Variants in NDRG4 observed in about 807,000 individuals in gnomAD.
The protein encoded by NDRG4 is protein NDRG4.
In NDRG4, 38 loss-of-function variants were observed where a neutral mutation model predicts 55.8. The ratio of observed to expected loss-of-function variants is 0.68; its 90% CI spans 0.53 to 0.89. The LOEUF (loss-of-function observed/expected upper bound fraction) is 0.89. NDRG4 is among the 40% of genes least tolerant of loss of function. NDRG4 has a pLI of 0.00. For missense variants in NDRG4, 455 were observed against 468.6 expected, an observed-to-expected ratio of 0.97 and a Z score of 0.27; for synonymous variants, 190 against 182.7, an observed-to-expected ratio of 1.04 and a Z score of -0.32.
rs1383566430 is a variant in NDRG4 at position 58,508,985 on chromosome 16, C to T, written c.753C>T (p.Asp251=). ...AGGTGGAGTGCAACTCCAAACTGGA[C>T]CCGACCACTACGACCTTCCTGAAGG... ...DGVVECNSKL[D]PTTTTFLKMA... The change falls in exon 11 of 15, where the codon GAC becomes GAT. Residue 251 remains aspartate (D), a synonymous_variant. Coordinates refer to ENST00000570248, the MANE Select transcript of NDRG4 (RefSeq NM_001242835.2). 1 of 1,614,072 alleles carries T rather than the reference C, an allele frequency of 6.2e-7. No individual in the cohort carries two copies.
chr16:58,504,033 C>T (rs974679710), intron 2 of NDRG4, 121 bp from the exon 3 acceptor site: 8 of 1,570,564 alleles, frequency 5.1e-6, no homozygotes, highest in Admixed American at 1.7e-5. Context: ...GCCCTCCGGG[C>T]CTCCATTTCC....
In NDRG4 at chr16:58,506,401, C is replaced by T. The variant is rs528218036; in HGVS notation, c.387C>T (p.Asp129=). 1.9e-6 allele frequency: 3 copies of T among 1,613,808 alleles called. No homozygotes were observed. Among genetic ancestry groups the T allele is most frequent in the African/African-American group, 2.7e-5 (2 of 74,874 alleles). ...VLAKFALIFP[D]LVEGLVLVNI... ...TCTTACTGCAGCTCATCTTCCCCGA[C>T]CTGGTGGAGGGGCTGGTGCTGGTGA... Residue 129 remains aspartate, a synonymous_variant, in exon 6 of 15, where the codon GAC becomes GAT. Coordinates refer to ENST00000570248, the MANE Select transcript of NDRG4 (RefSeq NM_001242835.2).
At chr16:58,468,553 T>G (rs1206631720) in intron 1 of NDRG4, among the ~76,000 whole-genome samples, 4 of 151,658 alleles carry the variant, frequency 2.6e-5, no homozygotes, top group Admixed American at 1.3e-4. Flanking sequence ...AAACCCCGTC[T>G]CTACCAAAAA....
rs926486758 is a variant in NDRG4 at position 58,505,242 on chromosome 16, G to A, written c.372+593G>A. On this transcript the variant is annotated intron_variant, in intron 5 of 14. Transcript: ENST00000570248. ...CGGGCGCCTGTAGTCCCAGCTACTCGGGAGGCTGAGGCAGGAGAAAGGCGT... is the reference window on the plus strand; with the variant it reads ...CGGGCGCCTGTAGTCCCAGCTACTCAGGAGGCTGAGGCAGGAGAAAGGCGT... Among the ~76,000 whole-genome samples the A allele has an allele frequency of 4.9e-4, 75 of 151,728 alleles. No individual in the cohort carries two copies. The East Asian group carries it at 9.1e-3, about 18-fold the overall frequency.
rs960386371 is a variant in NDRG4 at position 58,479,810 on chromosome 16, T to C, written c.-23-7946T>C. ...GAGGAGCAATGGTCTGAGCAGGTCA[T>C]GTTGCTCATTGTTTCACGTGCATTT... On this transcript the variant is annotated intron_variant, in intron 1 of 15. Transcript: ENST00000258187. Among the ~76,000 whole-genome samples the C allele has an allele frequency of 1.2e-4, 19 of 152,358 alleles. No homozygotes were observed. The South Asian group carries it at 3.9e-3, about 32-fold the overall frequency.
chr16:58,466,068 G>A (rs770134253), intron 1 of NDRG4, among the ~76,000 whole-genome samples: 1 of 152,214 alleles, frequency 6.6e-6, no homozygotes. Flanking sequence ...CCAGGCTGGA[G>A]TGCAGTGGCA....
In NDRG4 at chr16:58,512,477, C is replaced by A; in HGVS notation, c.*901C>A. The A allele has an allele frequency of 4.0e-6, 1 of 247,922 alleles. No homozygotes were observed. The highest frequency in any genetic ancestry group is 8.0e-6 in the Non-Finnish European group (1 of 125,034). The allele number at this position is 247,922 out of a possible 1,614,324, so 15.4% of individuals were successfully genotyped here. On this transcript the variant is annotated 3_prime_UTR_variant, in exon 15 of 15. Coordinates refer to ENST00000570248, the MANE Select transcript of NDRG4 (RefSeq NM_001242835.2). ...GAGACCCCTTTTTTGCCCCCAGGTT[C>A]CCCAGAGGGCAACGCCATCAGTAGC...
intron 1 of NDRG4, among the ~76,000 whole-genome samples, chr16:58,483,006 G>A (rs1333518635): frequency 5.3e-5 from 8 of 152,016 alleles, no homozygotes; most frequent in East Asian, 1.9e-4. Context: ...GGCTGGTCTC[G>A]AACTCCTGGC....
At chr16:58,497,222 T>C (rs1173416042), upstream of NDRG4, among the ~76,000 whole-genome samples, 2 of 151,924 alleles carry the variant, frequency 1.3e-5, no homozygotes, top group Non-Finnish European at 2.9e-5. Context: ...CTTGGGAGGC[T>C]GAGGCAGGAG....
chr16:58,501,069 G>A, intron 1 of NDRG4: 1 of 1,236,084 alleles, frequency 8.1e-7, no homozygotes, highest in Non-Finnish European at 1.0e-6. Flanking sequence ...CCTCTCGCCG[G>A]GGCATCAGGT....
intron 1 of NDRG4, among the ~76,000 whole-genome samples, chr16:58,474,653 C>T (rs1436412311): frequency 6.6e-6 from 1 of 152,138 alleles, no homozygotes; most frequent in East Asian, 1.9e-4. Flanking sequence ...AGAAAGCTCC[C>T]GAAGGTAGAT....
chr16:58,485,147 T>C (rs1401264096), intron 1 of NDRG4, among the ~76,000 whole-genome samples: 1 of 152,140 alleles, frequency 6.6e-6, no homozygotes, highest in Non-Finnish European at 1.5e-5. Flanking sequence ...CCTCCCAAAG[T>C]GCTGAGATTA....
At chr16:58,471,135 TTGATTTTGAACATC>T (rs2032725336) in intron 1 of NDRG4, among the ~76,000 whole-genome samples, 1 of 151,070 alleles carries the variant, frequency 6.6e-6, no homozygotes, top group Non-Finnish European at 1.5e-5. Flanking sequence ...CCCAGAGAAA[TTGATTTTGAACATC>T]TGACCTCCAG....
At chr16:58,495,026 C>A in intron 3 of NDRG4, 1 of 1,612,434 alleles carries the variant, frequency 6.2e-7, no homozygotes, top group East Asian at 2.2e-5. Flanking sequence ...AAGGCTCAGA[C>A]CCCCAAGATG....
intron 2 of NDRG4, among the ~76,000 whole-genome samples, chr16:58,494,277 G>A (rs2036138271): frequency 6.6e-6 from 1 of 152,174 alleles, no homozygotes; most frequent in Non-Finnish European, 1.5e-5. Context: ...GTCTGGAGAG[G>A]TGGGAGCAGC....
In NDRG4 at chr16:58,504,185, C is replaced by T. The variant is rs760614649; in HGVS notation, c.159C>T (p.Phe53=). Residue 53 remains phenylalanine (F), a synonymous_variant, in exon 3 of 15, where the codon TTC becomes TTT. Transcript: ENST00000570248. ...HKLCFNTFFN[F]EDMQEITKHF... ...TATGCTTCAACACCTTCTTCAACTT[C>T]GAGGACATGCAGGAGATCACCAAGC... 1.2e-4 allele frequency: 193 copies of T among 1,614,082 alleles called. No individual in the cohort carries two copies. The highest frequency in any genetic ancestry group is 1.4e-4 in the Non-Finnish European group (162 of 1,180,048).
chr16:58,506,793 C>T, intron 7 of NDRG4, 119 bp from the exon 8 acceptor site: 2 of 1,184,112 alleles, frequency 1.7e-6, no homozygotes, highest in South Asian at 2.7e-5. Flanking sequence ...CCCACCCTGT[C>T]TCCCCTGCCT....
chr16:58,476,708 T>C (rs553736433), intron 1 of NDRG4, among the ~76,000 whole-genome samples: 1 of 152,284 alleles, frequency 6.6e-6, no homozygotes, highest in South Asian at 2.1e-4. Context: ...CCAGGCTGTG[T>C]GGAATAGCAC....
rs1278167402 is a variant in NDRG4, at chr16:58,512,794, C to A, written c.*1218C>A. The A allele has an allele frequency of 6.5e-6, 1 of 152,692 alleles. No individual in the cohort carries two copies. The allele number at this position is 152,692 out of a possible 1,614,324, so 9.5% of individuals were successfully genotyped here. ...ACTCACCTTACCCCATAGCATCTTG[C>A]GGCCCAGAAACCAGAGCCATTTGTC... On this transcript the variant is annotated 3_prime_UTR_variant, in exon 15 of 15. Transcript: ENST00000570248.
Sources: gnomAD v4.1 joint callset for allele counts (sites outside exome capture counted in the v4.1 genomes callset) on GRCh38, gnomAD v4.1.1 for gene constraint, MANE v1.5 for transcripts, NCBI Gene and HGNC (gene_info 2026-07-23, HGNC 2026-07-21) for gene names.